RBFOX1: variants seen among roughly 807,000 people sequenced by gnomAD.
RBFOX1 encodes RNA binding protein fox-1 homolog 1.
In RBFOX1, 8 loss-of-function variants were observed where a neutral mutation model predicts 57.7. That is an observed-to-expected ratio of 0.14 (90% confidence interval 0.08 to 0.25). The LOEUF (loss-of-function observed/expected upper bound fraction) is 0.25. Among genes scored for constraint, RBFOX1 ranks in the 10% least tolerant of loss-of-function variants. The pLI is 1.00. For synonymous variants in RBFOX1, 326 were observed against 222.4 expected (o/e 1.47, Z -4.15); for missense variants, 611 against 548.5 (o/e 1.11, Z -1.14).
At chr16:5,429,680 T>G (rs145005147) in intron 1 of RBFOX1, among the ~76,000 whole-genome samples, 1 of 152,204 alleles carries the variant, frequency 6.6e-6, no homozygotes, top group Non-Finnish European at 1.5e-5. Context: ...ACCCTACCTC[T>G]GAGGGGCCAT....
At chr16:6,533,163 C>A (rs958931281) in intron 2 of RBFOX1, among the ~76,000 whole-genome samples, 4 of 152,186 alleles carry the variant, frequency 2.6e-5, no homozygotes, top group Admixed American at 2.6e-4. Flanking sequence ...GAAAGACAAA[C>A]CATGGAACTA....
chr16:5,656,092 C>T (rs937093886), intron 3 of RBFOX1, among the ~76,000 whole-genome samples: 1 of 152,066 alleles, frequency 6.6e-6, no homozygotes, highest in African/African-American at 2.4e-5. Flanking sequence ...TTAATTATTA[C>T]CAATAGTAGC....
chr16:7,384,717 A>G (rs2097848745), intron 4 of RBFOX1, among the ~76,000 whole-genome samples: 1 of 152,214 alleles, frequency 6.6e-6, no homozygotes, highest in Admixed American at 6.5e-5. Context: ...CACGAAATAG[A>G]GATGTAAGTC....
intron 4 of RBFOX1, among the ~76,000 whole-genome samples, chr16:7,115,729 C>T (rs2065761241): frequency 6.6e-6 from 1 of 152,182 alleles, no homozygotes; most frequent in African/African-American, 2.4e-5. Context: ...TAGGAGGTGA[C>T]ATTCCATTTC....
chr16:5,728,870 AG>A (rs1004294540), intron 3 of RBFOX1, among the ~76,000 whole-genome samples: 1 of 152,154 alleles, frequency 6.6e-6, no homozygotes, highest in African/African-American at 2.4e-5. Context: ...CCAGGCCAAA[AG>A]TCTGTACCTG....
intron 2 of RBFOX1, among the ~76,000 whole-genome samples, chr16:6,334,624 A>C (rs1273304545): frequency 6.6e-6 from 1 of 152,152 alleles, no homozygotes; most frequent in Non-Finnish European, 1.5e-5. Context: ...GGATTGGGTC[A>C]TAGGGAGTTT....
At chr16:6,453,942 G>C (rs1052411395) in intron 2 of RBFOX1, among the ~76,000 whole-genome samples, 2 of 152,224 alleles carry the variant, frequency 1.3e-5, no homozygotes, top group African/African-American at 4.8e-5. Flanking sequence ...TTGTCTCTCA[G>C]TTCTGGAGGC....
intron 4 of RBFOX1, among the ~76,000 whole-genome samples, chr16:7,457,448 CG>C (rs1340387896): frequency 5.9e-5 from 9 of 152,162 alleles, no homozygotes; most frequent in African/African-American, 2.2e-4. Context: ...CACACGTACA[CG>C]GACACATCTA....
intron 3 of RBFOX1, among the ~76,000 whole-genome samples, chr16:6,886,258 C>T (rs11647327): frequency 0.22 from 33,398 of 151,426 alleles, 4,634 homozygotes; most frequent in Admixed American, 0.36. Context: ...GACGAGGTCT[C>T]ACCATGTTGG....
chr16:6,861,857 G>C (rs1308015422), intron 3 of RBFOX1, among the ~76,000 whole-genome samples: 1 of 12,938 alleles, frequency 7.7e-5, no homozygotes, highest in South Asian at 1.9e-3. Context: ...TTTTTTTTTT[G>C]GTCTAGCTTG....
At chr16:7,072,584 C>T (rs974360455) in intron 4 of RBFOX1, among the ~76,000 whole-genome samples, 1 of 152,294 alleles carries the variant, frequency 6.6e-6, no homozygotes, top group Non-Finnish European at 1.5e-5. Flanking sequence ...GCACCAATAA[C>T]ATAATCTGGC....
chr16:5,462,501 C>T (rs2068823872), intron 1 of RBFOX1, among the ~76,000 whole-genome samples: 1 of 152,082 alleles, frequency 6.6e-6, no homozygotes, highest in Non-Finnish European at 1.5e-5. Context: ...ACATGGAACA[C>T]CTGTGTGTTT....
intron 4 of RBFOX1, among the ~76,000 whole-genome samples, chr16:7,124,378 C>T (rs1160439710): frequency 6.6e-6 from 1 of 152,146 alleles, no homozygotes; most frequent in Non-Finnish European, 1.5e-5. Flanking sequence ...CACAGCACTG[C>T]ACGCTAGCCC....
chr16:5,726,824 C>T (rs919264466), intron 3 of RBFOX1, among the ~76,000 whole-genome samples: 3 of 152,184 alleles, frequency 2.0e-5, no homozygotes, highest in African/African-American at 7.2e-5. Flanking sequence ...ATTGAATCTT[C>T]TCCTGTCAGC....
intron 2 of RBFOX1, among the ~76,000 whole-genome samples, chr16:6,344,685 C>T (rs1009085741): frequency 2.1e-5 from 3 of 145,922 alleles, no homozygotes; most frequent in African/African-American, 5.1e-5. Flanking sequence ...GCGTGAGCCA[C>T]CGAGCCCGGT....
chr16:6,842,323 A>G (rs553868917), intron 3 of RBFOX1, among the ~76,000 whole-genome samples: 22 of 152,266 alleles, frequency 1.4e-4, no homozygotes, highest in African/African-American at 4.8e-4. Flanking sequence ...GATCAGAGAA[A>G]CAACACATAC....
chr16:7,288,803 T>C (rs1411932796), intron 4 of RBFOX1, among the ~76,000 whole-genome samples: 2 of 152,236 alleles, frequency 1.3e-5, no homozygotes, highest in Non-Finnish European at 2.9e-5. Flanking sequence ...AGGGCACCAC[T>C]GCACTCCAGC....
At chr16:7,489,097 T>C (rs573316146) in intron 4 of RBFOX1, among the ~76,000 whole-genome samples, 2 of 152,318 alleles carry the variant, frequency 1.3e-5, no homozygotes, top group East Asian at 3.9e-4. Flanking sequence ...TGTCTGGCTT[T>C]GTCTTCATTT....
chr16:5,600,438 A>G (rs1198775730), downstream of RBFOX1, among the ~76,000 whole-genome samples: 3 of 146,568 alleles, frequency 2.0e-5, no homozygotes, highest in Admixed American at 2.1e-4. Flanking sequence ...GTGAGCTATG[A>G]TTATGCCACT....
Sources: gnomAD v4.1 joint callset for allele counts (sites outside exome capture counted in the v4.1 genomes callset) on GRCh38, gnomAD v4.1.1 for gene constraint, MANE v1.5 for transcripts, NCBI Gene and HGNC (gene_info 2026-07-23, HGNC 2026-07-21) for gene names.